The following SLC4A4 variants were observed in gnomAD, a reference collection of about 807,000 sequenced individuals.
The protein encoded by SLC4A4 is electrogenic sodium bicarbonate cotransporter 1.
A neutral mutation model predicts 111.5 loss-of-function variants in SLC4A4; 27 were observed. The observed-to-expected ratio is 0.24, with a 90% CI of 0.18 to 0.33. The LOEUF is 0.33. SLC4A4 is among the 10% of genes least tolerant of loss of function. The pLI is 1.00. For synonymous variants in SLC4A4, 443 were observed against 463.4 expected (o/e 0.96, Z 0.57); for missense variants, 909 against 1,315.5 (o/e 0.69, Z 4.78).
intron 16 of SLC4A4, among the ~76,000 whole-genome samples, chr4:71,529,832 G>A (rs574180960): frequency 5.7e-4 from 87 of 152,204 alleles, no homozygotes; most frequent in South Asian, 3.7e-3. Flanking sequence ...TTCTAGGTGA[G>A]GATTGTAAGG....
chr4:71,208,430 C>CAA (rs34995813), intron 1 of SLC4A4, among the ~76,000 whole-genome samples: 12,988 of 109,734 alleles, frequency 0.12, 942 homozygotes, highest in Admixed American at 0.27. Flanking sequence ...GACTCCGTCT[C>CAA]AAAAAAAAAA....
At chr4:71,398,399 G>A (rs1207572831) in intron 7 of SLC4A4, among the ~76,000 whole-genome samples, 1 of 151,934 alleles carries the variant, frequency 6.6e-6, no homozygotes, top group Non-Finnish European at 1.5e-5. Flanking sequence ...ATATTTGTTT[G>A]TCTATTAAAA....
At chr4:71,385,591 A>C (rs762260300) in intron 6 of SLC4A4, among the ~76,000 whole-genome samples, 3 of 152,156 alleles carry the variant, frequency 2.0e-5, no homozygotes, top group Non-Finnish European at 4.4e-5. Flanking sequence ...AATTTATATC[A>C]TTATGACTAT....
chr4:71,256,763 T>C (rs1490106286), intron 3 of SLC4A4, among the ~76,000 whole-genome samples: 2 of 152,162 alleles, frequency 1.3e-5, no homozygotes, highest in East Asian at 3.8e-4. Flanking sequence ...AAGATAACAT[T>C]CTTTTCCAAA....
intron 6 of SLC4A4, among the ~76,000 whole-genome samples, chr4:71,393,086 C>T (rs1168839607): frequency 6.6e-6 from 1 of 152,100 alleles, no homozygotes; most frequent in Non-Finnish European, 1.5e-5. Flanking sequence ...AAGTTGGAAG[C>T]ATTCCCTCCA....
chr4:71,433,149 T>C (rs538451302), intron 7 of SLC4A4, among the ~76,000 whole-genome samples: 1 of 152,074 alleles, frequency 6.6e-6, no homozygotes, highest in South Asian at 2.1e-4. Flanking sequence ...CCTTCTTTTC[T>C]CAAAACCTCA....
intron 7 of SLC4A4, among the ~76,000 whole-genome samples, chr4:71,417,253 T>G (rs548301913): frequency 6.6e-6 from 1 of 152,302 alleles, no homozygotes; most frequent in African/African-American, 2.4e-5. Context: ...ACTTGTAGTC[T>G]GATAAGAGTC....
intron 7 of SLC4A4, among the ~76,000 whole-genome samples, chr4:71,415,459 ATGT>A (rs1721749760): frequency 1.3e-5 from 2 of 152,220 alleles, no homozygotes; most frequent in South Asian, 4.2e-4. Context: ...TACCTATATC[ATGT>A]TGTATATTAT....
chr4:71,089,217 CATA>C (rs1363010809), intron 1 of SLC4A4, among the ~76,000 whole-genome samples: 1 of 151,968 alleles, frequency 6.6e-6, no homozygotes, highest in African/African-American at 2.4e-5. Context: ...GCATTCGTCA[CATA>C]GTTTTGTGCC....
chr4:71,130,585 C>G (rs1743675624), intron 2 of SLC4A4, among the ~76,000 whole-genome samples: 1 of 152,088 alleles, frequency 6.6e-6, no homozygotes, highest in Non-Finnish European at 1.5e-5. Context: ...ATGCTCTTAG[C>G]ACTTAGTGAT....
chr4:71,142,170 A>C (rs898753918), intron 2 of SLC4A4, among the ~76,000 whole-genome samples: 1 of 152,334 alleles, frequency 6.6e-6, no homozygotes, highest in Non-Finnish European at 1.5e-5. Context: ...ATTCATAAAA[A>C]CTTGTAAGAT....
intron 6 of SLC4A4, among the ~76,000 whole-genome samples, chr4:71,379,181 A>G (rs1331739830): frequency 6.6e-6 from 1 of 152,142 alleles, no homozygotes. Context: ...AAAAACCTTT[A>G]GTGATGACTC....
intron 1 of SLC4A4, among the ~76,000 whole-genome samples, chr4:71,205,608 T>G (rs1040009592): frequency 6.6e-6 from 1 of 152,206 alleles, no homozygotes; most frequent in Non-Finnish European, 1.5e-5. Context: ...TTACTGAAAC[T>G]GGGGCATACA....
At chr4:71,103,463 T>G (rs1287832309) in intron 2 of SLC4A4, among the ~76,000 whole-genome samples, 29 of 152,114 alleles carry the variant, frequency 1.9e-4, no homozygotes, top group Admixed American at 1.9e-3. Flanking sequence ...ATCAGCAGAA[T>G]ATACATTTTT....
intron 7 of SLC4A4, among the ~76,000 whole-genome samples, chr4:71,416,704 A>ATTC (rs1321202289): frequency 1.9e-4 from 29 of 151,864 alleles, no homozygotes; most frequent in Admixed American, 1.9e-3. Flanking sequence ...TATTATTATT[A>ATTC]TTATTATTAC....
chr4:71,263,099 T>G (rs1322213558), intron 3 of SLC4A4, among the ~76,000 whole-genome samples: 1 of 149,490 alleles, frequency 6.7e-6, no homozygotes, highest in African/African-American at 2.5e-5. Context: ...CACCTATGAG[T>G]GAGAACATGC....
At chr4:71,330,722 A>T (rs1461218583) in intron 3 of SLC4A4, among the ~76,000 whole-genome samples, 1 of 152,220 alleles carries the variant, frequency 6.6e-6, no homozygotes, top group African/African-American at 2.4e-5. Context: ...ACAAAAGCCA[A>T]AATTGACAAA....
chr4:71,561,335 G>A (rs973766354), intron 23 of SLC4A4, among the ~76,000 whole-genome samples: 1 of 151,722 alleles, frequency 6.6e-6, no homozygotes, highest in African/African-American at 2.4e-5. Context: ...ATTGAGGTAC[G>A]ATTGACAAAT....
intron 2 of SLC4A4, among the ~76,000 whole-genome samples, chr4:71,095,940 C>A (rs569620676): frequency 9.2e-5 from 14 of 152,172 alleles, no homozygotes; most frequent in African/African-American, 3.4e-4. Flanking sequence ...GAGAAGACAG[C>A]ATGTATGAAA....
Sources: allele counts gnomAD v4.1 joint callset (sites outside exome capture counted in the v4.1 genomes callset), GRCh38; gene constraint gnomAD v4.1.1; transcripts MANE v1.5; gene names NCBI Gene and HGNC (gene_info 2026-07-23, HGNC 2026-07-21).